The following APBA2 variants were observed in gnomAD, a reference collection of about 807,000 sequenced individuals.
The protein encoded by APBA2 is amyloid-beta A4 precursor protein-binding family A member 2.
A neutral mutation model predicts 75.0 loss-of-function variants in APBA2; 30 were observed. That is an observed-to-expected ratio of 0.40 (90% confidence interval 0.30 to 0.54). The LOEUF (loss-of-function observed/expected upper bound fraction) is 0.54, where lower values mean the gene tolerates loss of function less well. Among genes scored for constraint, APBA2 ranks in the 20% least tolerant of loss-of-function variants. The probability of loss-of-function intolerance (pLI) is 0.49; values close to 1 mark genes in which losing one functional copy is unlikely to be tolerated. For synonymous variants in APBA2, 444 were observed against 409.6 expected, an observed-to-expected ratio of 1.08 and a Z score of -1.01; for missense variants, 801 against 1,016.1, an observed-to-expected ratio of 0.79 and a Z score of 2.88.
rs181370356 is a variant in APBA2, at chr15:29,057,040, G to A, written c.951+2205G>A. Among the ~76,000 whole-genome samples, 455 of 152,232 alleles carry A rather than the reference G, an allele frequency of 3.0e-3. 2 individuals carry two copies. The highest frequency in any genetic ancestry group is 5.2e-3 in the Non-Finnish European group (353 of 68,012). On this transcript the variant is annotated intron_variant, in intron 4 of 14. Transcript: ENST00000683413. ...CGTGCCAGGAGCCAACAAAGGCCTG[G>A]CCTCAAGCAGGTGCACAGGGTGCCA... is the stretch of plus-strand genomic sequence containing the variant.
chr15:28,990,353 G>C (rs1282014928), intron 2 of APBA2: 1 of 150,204 alleles, frequency 6.7e-6, no homozygotes, highest in Non-Finnish European at 1.5e-5. Flanking sequence ...AGAGGTTGCA[G>C]TGAGCTGCAC....
At chr15:28,963,858 G>A (rs2036599411) in intron 2 of APBA2, among the ~76,000 whole-genome samples, 1 of 152,208 alleles carries the variant, frequency 6.6e-6, no homozygotes, top group African/African-American at 2.4e-5. Context: ...GTAGTCAACA[G>A]AAACTAGTCA....
Position 29,045,883 on chromosome 15 carries a change from C to T in APBA2, c.-40-7962C>T, listed in dbSNP as rs558401309. 5.3e-4 allele frequency among the ~76,000 whole-genome samples: 80 copies of T among 152,322 alleles called. 1 individual carries two copies. The South Asian group carries it at 0.016, about 30-fold the overall frequency. ...CCCTCTGAGTACAGAAGTCTGCCCA[C>T]ATCAGTTTCACAAATGATGTGCTAG... is the stretch of plus-strand genomic sequence containing the variant. On this transcript the variant is annotated intron_variant, in intron 3 of 14. Transcript: ENST00000683413.
Position 28,956,747 on chromosome 15 carries a change from C to T in APBA2, c.-95+34998C>T, listed in dbSNP as rs143919957. Among the ~76,000 whole-genome samples, 10 of 152,292 alleles carry T rather than the reference C, an allele frequency of 6.6e-5. No individual in the cohort carries two copies. The East Asian group carries it at 1.4e-3, about 21-fold the overall frequency. ...ACTCCCATTCCTCCTCCCCTCACCC[C>T]CTGGCACCCACCATTGTACTTTCTG... is the stretch of plus-strand genomic sequence containing the variant. On this transcript the variant is annotated intron_variant, in intron 2 of 14. Transcript: ENST00000683413.
chr15:29,023,212 G>C (rs745716975), intron 3 of APBA2, among the ~76,000 whole-genome samples: 1 of 151,968 alleles, frequency 6.6e-6, no homozygotes, highest in African/African-American at 2.4e-5. Context: ...TTCTAGGTAG[G>C]GTAACCAGCC....
chr15:28,950,421 A>C (rs927084612), intron 2 of APBA2, among the ~76,000 whole-genome samples: 1 of 151,884 alleles, frequency 6.6e-6, no homozygotes, highest in Non-Finnish European at 1.5e-5. Context: ...AGGTCAGGAG[A>C]TCGAGACCAT....
At chr15:29,081,956 G>A (rs2043101337) in intron 6 of APBA2, among the ~76,000 whole-genome samples, 1 of 152,242 alleles carries the variant, frequency 6.6e-6, no homozygotes, top group Non-Finnish European at 1.5e-5. Flanking sequence ...CGGGCAGAAT[G>A]CCTTCCCAAG....
chr15:28,953,426 G>A (rs2035996507), intron 2 of APBA2, among the ~76,000 whole-genome samples: 2 of 151,680 alleles, frequency 1.3e-5, no homozygotes. Flanking sequence ...CCCACCCCCT[G>A]CTGCTGGCCT....
intron 1 of APBA2, among the ~76,000 whole-genome samples, chr15:28,908,939 C>G (rs1243705588): frequency 6.6e-6 from 1 of 151,696 alleles, no homozygotes; most frequent in Admixed American, 6.6e-5. Flanking sequence ...TAAACACTAA[C>G]TCCTCCTTCC....
intron 2 of APBA2, among the ~76,000 whole-genome samples, chr15:28,955,456 CT>C: frequency 6.6e-6 from 1 of 152,250 alleles, no homozygotes; most frequent in East Asian, 1.9e-4. Context: ...CATCCTGTGG[CT>C]TTTTTAGGCT....
chr15:28,965,486 A>G (rs1433726541), intron 2 of APBA2, among the ~76,000 whole-genome samples: 1 of 152,214 alleles, frequency 6.6e-6, no homozygotes, highest in East Asian at 1.9e-4. Flanking sequence ...AAATTTTAGA[A>G]TAAGTTTGTT....
chr15:28,908,796 C>T (rs1357914132), intron 1 of APBA2, among the ~76,000 whole-genome samples: 2 of 152,118 alleles, frequency 1.3e-5, no homozygotes, highest in Non-Finnish European at 2.9e-5. Flanking sequence ...TAACACATAA[C>T]ATGACATTTA....
At chr15:28,984,633 G>A (rs567449693) in intron 2 of APBA2, among the ~76,000 whole-genome samples, 2 of 151,854 alleles carry the variant, frequency 1.3e-5, no homozygotes, top group African/African-American at 4.8e-5. Flanking sequence ...CTCTCTGGGT[G>A]TCCCCCACTG....
At chr15:29,065,877 C>T (rs2042358662) in intron 4 of APBA2, among the ~76,000 whole-genome samples, 4 of 152,196 alleles carry the variant, frequency 2.6e-5, no homozygotes, top group Admixed American at 2.6e-4. Context: ...CCACGGGTGG[C>T]CTGCCTGGTC....
Position 29,054,763 on chromosome 15 carries a change from C to T in APBA2, c.879C>T (p.Pro293=), listed in dbSNP as rs748911694. The change falls in exon 4 of 15, where the codon CCC becomes CCT. Residue 293 remains proline (P), a synonymous_variant. Transcript: ENST00000683413. This position sits in a 1 kb window ranked among gnomAD's most constrained non-coding sequence, Gnocchi z 6.1. ...SLNLLPEAKH[P]GDPQRGFKPK... is the part of the protein sequence containing the mutation. ...ACCTCCTTCCCGAGGCCAAGCACCC[C>T]GGAGACCCCCAGAGAGGCTTCAAGC... The T allele has an allele frequency of 7.0e-5, 112 of 1,606,980 alleles. No individual in the cohort carries two copies. Among genetic ancestry groups the T allele is most frequent in the Non-Finnish European group, 8.6e-5 (101 of 1,179,952 alleles).
chr15:28,940,356 C>CAAAA (rs398043111), intron 2 of APBA2, among the ~76,000 whole-genome samples: 93 of 38,438 alleles, frequency 2.4e-3, no homozygotes, highest in Non-Finnish European at 4.7e-3. Context: ...ACTAAAAATA[C>CAAAA]AAAAAAAAAA....
intron 3 of APBA2, among the ~76,000 whole-genome samples, chr15:29,031,503 C>T (rs982528789): frequency 6.6e-6 from 1 of 151,862 alleles, no homozygotes; most frequent in Admixed American, 6.6e-5. Context: ...GAGTTTTGCT[C>T]TTGTTGCCCA....
intron 1 of APBA2, among the ~76,000 whole-genome samples, chr15:28,920,686 C>T (rs76891859): frequency 1.8e-3 from 270 of 152,290 alleles, no homozygotes; most frequent in African/African-American, 5.7e-3. Flanking sequence ...AGGCAGCAGC[C>T]GTGGATGTTA....
chr15:29,067,933 A>G (rs1277142041), intron 4 of APBA2, among the ~76,000 whole-genome samples: 5 of 152,198 alleles, frequency 3.3e-5, no homozygotes, highest in African/African-American at 1.2e-4. Flanking sequence ...TCGTATTAGG[A>G]GAACAGAGAT....
Sources: gnomAD v4.1 joint callset for allele counts (sites outside exome capture counted in the v4.1 genomes callset) on GRCh38, gnomAD v4.1.1 for gene constraint, Gnocchi (gnomAD v3.1) non-coding constraint, MANE v1.5 for transcripts, NCBI Gene and HGNC (gene_info 2026-07-23, HGNC 2026-07-21) for gene names.